Variants in NDUFV2 observed in about 807,000 individuals in gnomAD.
NDUFV2 encodes the protein NADH:ubiquinone oxidoreductase core subunit V2.
A neutral mutation model predicts 31.6 loss-of-function variants in NDUFV2; 18 were observed. The ratio of observed to expected loss-of-function variants is 0.57; its 90% confidence interval spans 0.39 to 0.84. The LOEUF is 0.84. NDUFV2 is among the 40% of genes least tolerant of loss of function. The pLI, the probability that NDUFV2 is intolerant of heterozygous loss-of-function variation, is 0.00. For missense variants in NDUFV2, 314 were observed against 303.6 expected (o/e 1.03, Z -0.26); for synonymous variants, 83 against 99.8 (o/e 0.83, Z 1.01).
intron 7 of NDUFV2, among the ~76,000 whole-genome samples, chr18:9,130,276 G>A (rs896213909): frequency 4.6e-5 from 7 of 152,116 alleles, no homozygotes; most frequent in African/African-American, 1.7e-4. Flanking sequence ...ACAATAAGCA[G>A]GAACTAAGTA....
At chr18:9,131,534 A>T (rs898527022) in intron 7 of NDUFV2, among the ~76,000 whole-genome samples, 3 of 152,210 alleles carry the variant, frequency 2.0e-5, no homozygotes, top group South Asian at 2.1e-4. Context: ...TACAGTTCCA[A>T]TGCGGTTGGT....
At chr18:9,113,441 C>T (rs1306462993) in intron 1 of NDUFV2, among the ~76,000 whole-genome samples, 1 of 152,100 alleles carries the variant, frequency 6.6e-6, no homozygotes, top group East Asian at 1.9e-4. Flanking sequence ...GTTAACCTGC[C>T]TCAGTTTCAT....
In NDUFV2 at chr18:9,102,898, G is replaced by T. The variant is rs370790681; in HGVS notation, c.54+101G>T. 1.7e-4 allele frequency: 210 copies of T among 1,267,274 alleles called. 1 individual carries two copies. The highest frequency in any genetic ancestry group is 5.0e-4 in the East Asian group (17 of 34,262). The allele number at this position is 1,267,274 out of a possible 1,614,324, so 78.5% of individuals were successfully genotyped here. On this transcript the variant is annotated intron_variant, in intron 1 of 7. Transcript: ENST00000318388. ...CAGGAGAGCCCTGGGCTCTGCACGG[G>T]CCTGCAGGCGGCGGCAAGGACACTG...
intron 7 of NDUFV2, among the ~76,000 whole-genome samples, chr18:9,133,089 G>C (rs1167740793): frequency 6.6e-6 from 1 of 152,074 alleles, no homozygotes; most frequent in Admixed American, 6.6e-5. Flanking sequence ...TTAGTAACTT[G>C]TATTATATGC....
chr18:9,114,635 C>G (rs887548713), intron 1 of NDUFV2, among the ~76,000 whole-genome samples: 1 of 152,074 alleles, frequency 6.6e-6, no homozygotes, highest in Admixed American at 6.5e-5. Context: ...GTGAGTTGTT[C>G]TAGGTCAGAT....
At chr18:9,109,650 A>G (rs749529119) in intron 1 of NDUFV2, among the ~76,000 whole-genome samples, 1 of 152,268 alleles carries the variant, frequency 6.6e-6, no homozygotes, top group Non-Finnish European at 1.5e-5. Flanking sequence ...GGGCCCTTAG[A>G]TTGAAAGAGC....
Position 9,122,373 on chromosome 18 carries a change from C to CAAGTATGTT in NDUFV2, c.301-139_301-131dup, listed in dbSNP as rs771546339. On this transcript the variant is annotated intron_variant, in intron 4 of 7. Transcript: ENST00000318388. ...GTTTATATCTCCCAGTTATCCAAGACAAGTATGTTTTCTGCTCTTGAAGAA... is the reference window on the plus strand; with the variant it reads ...GTTTATATCTCCCAGTTATCCAAGACAAGTATGTTAAGTATGTTTTCTGCTCTTGAAGAA... The CAAGTATGTT allele has an allele frequency of 4.0e-4, 289 of 730,888 alleles. 2 individuals carry two copies. Among genetic ancestry groups the CAAGTATGTT allele is most frequent in the Middle Eastern group, 2.8e-3 (7 of 2,500 alleles). The allele number at this position is 730,888 out of a possible 1,614,324, so 45.3% of individuals were successfully genotyped here.
intron 7 of NDUFV2, among the ~76,000 whole-genome samples, chr18:9,133,868 A>T (rs1265731942): frequency 6.6e-6 from 1 of 152,224 alleles, no homozygotes; most frequent in Non-Finnish European, 1.5e-5. Context: ...CTAACTGTAA[A>T]ATAAAGCCAG....
At chr18:9,103,061 A>G (rs1023021889) in intron 1 of NDUFV2, 20 of 427,446 alleles carry the variant, frequency 4.7e-5, no homozygotes, top group African/African-American at 3.3e-4. Context: ...ATATATATAT[A>G]TGTTTGTTTG....
In NDUFV2 at chr18:9,123,757, C is replaced by G. The variant is rs577501587; in HGVS notation, c.469+1076C>G. On this transcript the variant is annotated intron_variant, in intron 5 of 7. Transcript: ENST00000318388. ...TCCTCCTACCTTGGCCTCCCAAGTG[C>G]TGGGATCACAGGTGTGAGCCACCAT... Among the ~76,000 whole-genome samples the G allele has an allele frequency of 2.0e-5, 3 of 152,244 alleles. No individual in the cohort carries two copies. In the East Asian group the frequency reaches 5.8e-4, roughly 29 times the overall value.
At chr18:9,123,289 A>G (rs1346947495) in intron 5 of NDUFV2, among the ~76,000 whole-genome samples, 7 of 152,202 alleles carry the variant, frequency 4.6e-5, no homozygotes, top group Non-Finnish European at 1.0e-4. Flanking sequence ...ATTGAAATAT[A>G]TAAAACAGCT....
At chr18:9,124,825 G>T in intron 5 of NDUFV2, 49 bp from the exon 6 acceptor site, 15 of 1,442,172 alleles carry the variant, frequency 1.0e-5, no homozygotes, top group South Asian at 1.3e-5. Flanking sequence ...TAAACCAAAT[G>T]ACTATTAAAA....
At chr18:9,117,764 T>A in intron 1 of NDUFV2, 74 bp from the exon 2 acceptor site, 1 of 829,150 alleles carries the variant, frequency 1.2e-6, no homozygotes, top group South Asian at 1.4e-5. Context: ...AAATTATGAA[T>A]CCTAAAGTAT....
At chr18:9,127,793 C>G (rs1015445198) in intron 7 of NDUFV2, among the ~76,000 whole-genome samples, 7 of 152,150 alleles carry the variant, frequency 4.6e-5, no homozygotes, top group African/African-American at 1.7e-4. Context: ...TTTTGAGATA[C>G]ATACTGAGCA....
intron 1 of NDUFV2, among the ~76,000 whole-genome samples, chr18:9,116,460 A>C (rs143710437): frequency 1.3e-5 from 2 of 152,154 alleles, no homozygotes; most frequent in Non-Finnish European, 2.9e-5. Context: ...CTGAGCTAAG[A>C]TGACAGTGAC....
chr18:9,108,671 AC>A (rs1205517168), intron 1 of NDUFV2, among the ~76,000 whole-genome samples: 1 of 148,622 alleles, frequency 6.7e-6, no homozygotes, highest in East Asian at 2.0e-4. Flanking sequence ...GCACTGAAAA[AC>A]TTTTGTTTTT....
At chr18:9,105,289 CTT>C (rs2077836138) in intron 1 of NDUFV2, among the ~76,000 whole-genome samples, 1 of 152,208 alleles carries the variant, frequency 6.6e-6, no homozygotes, top group Admixed American at 6.5e-5. Flanking sequence ...CTGCCATTCT[CTT>C]GACGAGGCTT....
chr18:9,131,377 TGA>T (rs1310978842), intron 7 of NDUFV2, among the ~76,000 whole-genome samples: 1 of 152,220 alleles, frequency 6.6e-6, no homozygotes, highest in African/African-American at 2.4e-5. Flanking sequence ...ATTTTTGTGC[TGA>T]GATTGTTCTT....
intron 4 of NDUFV2, 78 bp downstream of exon 4, chr18:9,119,668 G>A: frequency 8.5e-7 from 1 of 1,181,822 alleles, no homozygotes; most frequent in Non-Finnish European, 1.3e-6. Flanking sequence ...AAATTACTCT[G>A]ATCATCTCCA....
Sources: allele counts gnomAD v4.1 joint callset (sites outside exome capture counted in the v4.1 genomes callset), GRCh38; gene constraint gnomAD v4.1.1; transcripts MANE v1.5; gene names NCBI Gene and HGNC (gene_info 2026-07-23, HGNC 2026-07-21).